DOCK9: variants seen among roughly 807,000 people sequenced by gnomAD.
DOCK9 encodes dedicator of cytokinesis protein 9.
Under a neutral mutation model 263.3 loss-of-function variants are expected in DOCK9, and 89 were observed. The observed-to-expected ratio is 0.34, with a 90% confidence interval of 0.28 to 0.40. DOCK9 has a LOEUF of 0.40. Among genes scored for constraint, DOCK9 ranks in the 10% least tolerant of loss-of-function variants. The pLI is 1.00. For missense variants in DOCK9, 2,140 were observed against 2,603.4 expected (o/e 0.82, Z 3.87); for synonymous variants, 976 against 973.1 (o/e 1.00, Z -0.06).
chr13:99,079,010 G>A (rs1418345549), intron 1 of DOCK9, among the ~76,000 whole-genome samples: 2 of 152,220 alleles, frequency 1.3e-5, no homozygotes, highest in Non-Finnish European at 2.9e-5. Flanking sequence ...GTCAACGAAT[G>A]TATATAAGAG....
intron 1 of DOCK9, among the ~76,000 whole-genome samples, chr13:99,004,657 G>C (rs1234183874): frequency 2.0e-5 from 3 of 152,150 alleles, no homozygotes. Flanking sequence ...GTTTTTCCTT[G>C]GCAGAGAAAC....
At chr13:98,851,208 G>A (rs1264439030) in intron 35 of DOCK9, among the ~76,000 whole-genome samples, 1 of 152,254 alleles carries the variant, frequency 6.6e-6, no homozygotes, top group Non-Finnish European at 1.5e-5. Flanking sequence ...GAGGCTCAGA[G>A]AAGTAAAGTA....
At chr13:98,986,985 A>G (rs1307323292) in intron 1 of DOCK9, among the ~76,000 whole-genome samples, 1 of 152,190 alleles carries the variant, frequency 6.6e-6, no homozygotes, top group East Asian at 1.9e-4. Context: ...AGCACACATC[A>G]TATAACTTAG....
intron 45 of DOCK9, among the ~76,000 whole-genome samples, chr13:98,814,738 A>C (rs2091652773): frequency 6.6e-6 from 1 of 152,070 alleles, no homozygotes; most frequent in African/African-American, 2.4e-5. Flanking sequence ...CAGGGGTTCA[A>C]GACAAGCCTC....
chr13:98,929,489 G>C (rs1231233266), intron 3 of DOCK9, among the ~76,000 whole-genome samples: 15 of 152,130 alleles, frequency 9.9e-5, no homozygotes, highest in Non-Finnish European at 1.6e-4. Flanking sequence ...AGGTTGCAGT[G>C]AGCCAAGATT....
intron 1 of DOCK9, among the ~76,000 whole-genome samples, chr13:98,958,313 C>T (rs1020219093): frequency 7.2e-5 from 11 of 152,212 alleles, no homozygotes; most frequent in South Asian, 2.1e-4. Flanking sequence ...CTCCAGCCCA[C>T]GGCACCTCAG....
chr13:98,950,828 C>T (rs943965593), intron 2 of DOCK9, among the ~76,000 whole-genome samples: 23 of 152,146 alleles, frequency 1.5e-4, no homozygotes, highest in Admixed American at 5.9e-4. Flanking sequence ...ATGAAGATGC[C>T]GTCGGTTAAT....
intron 4 of DOCK9, among the ~76,000 whole-genome samples, chr13:98,924,171 T>C (rs545675380): frequency 8.9e-4 from 135 of 152,292 alleles, no homozygotes; most frequent in African/African-American, 3.1e-3. Flanking sequence ...AAGGGAGGAT[T>C]GGGTAAATAT....
At chr13:99,052,146 T>C (rs1234169294) in intron 1 of DOCK9, among the ~76,000 whole-genome samples, 1 of 152,192 alleles carries the variant, frequency 6.6e-6, no homozygotes, top group Non-Finnish European at 1.5e-5. Context: ...TGGGGGCTTC[T>C]AGTGGGGATG....
At chr13:99,008,183 A>AGC (rs1365636196) in intron 1 of DOCK9, among the ~76,000 whole-genome samples, 135 of 108,686 alleles carry the variant, frequency 1.2e-3, no homozygotes, top group African/African-American at 4.2e-3. Context: ...TATATTGTGC[A>AGC]GCCTCTCTCT....
In DOCK9 at chr13:98,797,246, C is replaced by A. The variant is rs1400870171; in HGVS notation, c.6025G>T (p.Val2009Leu). 6.2e-7 allele frequency: 1 copy of A among 1,613,962 alleles called. No homozygotes were observed. Among genetic ancestry groups the A allele is most frequent in the Admixed American group, 1.7e-5 (1 of 60,024 alleles). The change falls in exon 52 of 53, where the codon GTG becomes TTG. Residue 2009 changes from valine to leucine, a missense_variant. Around this residue, in one of 2 missense-constraint regions of DOCK9, gnomAD observed 619 missense variants for 861.8 expected, o/e 0.72. Coordinates refer to ENST00000682017, the MANE Select transcript of DOCK9 (RefSeq NM_001366683.2). The stretch of plus-strand genomic sequence containing the variant: ...GCTAAGGCTTGACCGCAAGCTTCCA[C>A]AAATTGCCTGGAATGGTACAGGCGG... The part of the protein sequence containing the change: ...KLLKEVFRQF[V>L]EACGQALAVN...
chr13:98,800,336 C>T lies in DOCK9; in HGVS notation c.5868G>A (p.Val1956=). ...ELRQLCSSAE[V]DMIKLQLKLQ... is the part of the protein sequence containing the mutation. ...GTTTGAGCTGCAGTTTGATCATGTC[C>T]ACCTCGGCCGAGGAGCACAGCTGCC... The change falls in exon 50 of 53, where the codon GTG becomes GTA. Residue 1956 remains valine, a synonymous_variant. Coordinates refer to ENST00000682017, the MANE Select transcript of DOCK9 (RefSeq NM_001366683.2). The T allele has an allele frequency of 6.2e-7, 1 of 1,611,706 alleles. No individual in the cohort carries two copies. Among genetic ancestry groups the T allele is most frequent in the Non-Finnish European group, 8.5e-7 (1 of 1,178,966 alleles).
intron 1 of DOCK9, among the ~76,000 whole-genome samples, chr13:99,022,604 A>G (rs531519196): frequency 2.0e-5 from 3 of 152,194 alleles, no homozygotes; most frequent in Admixed American, 6.5e-5. Flanking sequence ...AAAAGAAATG[A>G]GAGAATCTTC....
At chr13:99,052,726 A>C (rs2040753822) in intron 1 of DOCK9, among the ~76,000 whole-genome samples, 1 of 150,872 alleles carries the variant, frequency 6.6e-6, no homozygotes, top group East Asian at 1.9e-4. Context: ...TCAGACTCCT[A>C]AGTAACTGGG....
intron 1 of DOCK9, among the ~76,000 whole-genome samples, chr13:99,077,517 T>C (rs1040049409): frequency 6.6e-6 from 1 of 152,160 alleles, no homozygotes; most frequent in Non-Finnish European, 1.5e-5. Context: ...TGCAGAACCA[T>C]AAGCCAATTA....
intron 52 of DOCK9, 98 bp from the exon 53 acceptor site, chr13:98,794,846 A>T: frequency 2.2e-6 from 3 of 1,369,746 alleles, no homozygotes; most frequent in Non-Finnish European, 3.1e-6. Context: ...AGTGTAACAA[A>T]ATGTTACAGA....
intron 27 of DOCK9, among the ~76,000 whole-genome samples, chr13:98,874,345 G>GTAA (rs2094270715): frequency 6.6e-6 from 1 of 152,180 alleles, no homozygotes; most frequent in Non-Finnish European, 1.5e-5. Context: ...TTACTAAGTA[G>GTAA]CATTCTATTG....
chr13:99,054,706 A>G (rs2142235125), intron 1 of DOCK9, among the ~76,000 whole-genome samples: 1 of 152,322 alleles, frequency 6.6e-6, no homozygotes, highest in Non-Finnish European at 1.5e-5. Flanking sequence ...TGCCATGTTA[A>G]GTTCTCTCTC....
At chr13:98,880,882 G>A (rs1461555739) in intron 25 of DOCK9, among the ~76,000 whole-genome samples, 6 of 152,116 alleles carry the variant, frequency 3.9e-5, no homozygotes, top group Non-Finnish European at 5.9e-5. Flanking sequence ...CATCTGACCC[G>A]GTCAAATCAG....
Sources: allele counts gnomAD v4.1 joint callset (sites outside exome capture counted in the v4.1 genomes callset), GRCh38; gene constraint gnomAD v4.1.1; regional missense constraint gnomAD v4.1.1; transcripts MANE v1.5; gene names NCBI Gene and HGNC (gene_info 2026-07-23, HGNC 2026-07-21).